The following HECW1 variants were observed in gnomAD, a reference collection of about 807,000 sequenced individuals.
HECW1 encodes E3 ubiquitin-protein ligase HECW1.
A neutral mutation model predicts 182.3 loss-of-function variants in HECW1; 61 were observed. The observed-to-expected ratio is 0.33, with a 90% confidence interval of 0.27 to 0.41. The LOEUF (loss-of-function observed/expected upper bound fraction) is 0.41, where lower values mean the gene tolerates loss of function less well. Among genes scored for constraint, HECW1 ranks in the 10% least tolerant of loss-of-function variants. The pLI is 1.00. For synonymous variants in HECW1, 859 were observed against 832.6 expected (o/e 1.03, Z -0.55); for missense variants, 1,739 against 2,108.9 (o/e 0.82, Z 3.44).
chr7:43,477,318 T>G (rs2078255470), intron 16 of HECW1, among the ~76,000 whole-genome samples: 1 of 152,192 alleles, frequency 6.6e-6, no homozygotes, highest in Non-Finnish European at 1.5e-5. Flanking sequence ...TAATTCAACT[T>G]TTAGAAATGC....
intron 3 of HECW1, among the ~76,000 whole-genome samples, chr7:43,295,363 A>G (rs1162246299): frequency 6.6e-6 from 1 of 152,204 alleles, no homozygotes; most frequent in Non-Finnish European, 1.5e-5. Flanking sequence ...AATAGGAGGC[A>G]GGTTGGCCCA....
At chr7:43,358,848 T>C (rs1815500719) in intron 5 of HECW1, among the ~76,000 whole-genome samples, 1 of 136,660 alleles carries the variant, frequency 7.3e-6, no homozygotes, top group African/African-American at 2.7e-5. Context: ...TTTTTGAGAC[T>C]GAGTCTTGCT....
intron 26 of HECW1, among the ~76,000 whole-genome samples, chr7:43,542,827 G>A (rs771870995): frequency 2.6e-5 from 4 of 152,180 alleles, no homozygotes; most frequent in South Asian, 4.1e-4. Flanking sequence ...AAATCTGCCC[G>A]TGTCCTCTTT....
chr7:43,497,608 G>T (rs145868487), intron 19 of HECW1, among the ~76,000 whole-genome samples: 20 of 152,134 alleles, frequency 1.3e-4, no homozygotes, highest in African/African-American at 4.6e-4. Context: ...ATGGAACAGG[G>T]GCTATGCAGG....
intron 3 of HECW1, chr7:43,274,312 A>G (rs1802808860): frequency 2.0e-6 from 2 of 1,010,244 alleles, no homozygotes; most frequent in South Asian, 3.4e-5. Context: ...ATCTCAGTTA[A>G]AGAAGATGAA....
intron 4 of HECW1, among the ~76,000 whole-genome samples, chr7:43,318,407 A>C (rs565835078): frequency 6.6e-6 from 1 of 152,378 alleles, no homozygotes; most frequent in Non-Finnish European, 1.5e-5. Context: ...ACTGTGAATA[A>C]AAAGACAGGC....
intron 2 of HECW1, among the ~76,000 whole-genome samples, chr7:43,218,581 T>G (rs1269934337): frequency 2.6e-5 from 4 of 152,180 alleles, no homozygotes; most frequent in African/African-American, 9.7e-5. Context: ...TCACAGTGTC[T>G]TGGAAGGCAC....
At chr7:43,181,444 A>AT (rs1489570293) in intron 2 of HECW1, among the ~76,000 whole-genome samples, 1 of 150,906 alleles carries the variant, frequency 6.6e-6, no homozygotes, top group East Asian at 1.9e-4. Flanking sequence ...GGCTGTACAA[A>AT]TTTACACTTC....
chr7:43,453,651 A>G (rs1394934313), intron 12 of HECW1, among the ~76,000 whole-genome samples: 1 of 152,260 alleles, frequency 6.6e-6, no homozygotes, highest in Admixed American at 6.5e-5. Flanking sequence ...ATAACTAAAT[A>G]TGATACATTA....
chr7:43,346,695 C>T (rs1421879111), intron 5 of HECW1, among the ~76,000 whole-genome samples: 2 of 152,168 alleles, frequency 1.3e-5, no homozygotes, highest in Non-Finnish European at 2.9e-5. Flanking sequence ...GATCCAGTTT[C>T]ATTCTCCTAC....
chr7:43,369,373 G>T (rs775080417), intron 6 of HECW1, among the ~76,000 whole-genome samples: 1 of 152,076 alleles, frequency 6.6e-6, no homozygotes, highest in Non-Finnish European at 1.5e-5. Context: ...CAAGAGAATC[G>T]CTTGAACTCG....
intron 5 of HECW1, among the ~76,000 whole-genome samples, chr7:43,332,127 G>C (rs1390528668): frequency 1.3e-5 from 2 of 152,142 alleles, no homozygotes; most frequent in African/African-American, 4.8e-5. Flanking sequence ...GAAATAATAA[G>C]AAGAAATTGG....
At chr7:43,128,593 C>T (rs1303622026) in intron 2 of HECW1, among the ~76,000 whole-genome samples, 1 of 152,156 alleles carries the variant, frequency 6.6e-6, no homozygotes, top group Admixed American at 6.5e-5. Flanking sequence ...TCATGCCTGC[C>T]AAGATAACAC....
intron 5 of HECW1, among the ~76,000 whole-genome samples, chr7:43,348,134 G>T (rs1018422754): frequency 6.6e-6 from 1 of 152,114 alleles, no homozygotes; most frequent in Non-Finnish European, 1.5e-5. Flanking sequence ...CTGTGAATCT[G>T]TCTGGTCCTG....
intron 2 of HECW1, among the ~76,000 whole-genome samples, chr7:43,228,822 G>C (rs769036): frequency 0.58 from 87,935 of 152,010 alleles, 26,264 homozygotes; most frequent in African/African-American, 0.71. Flanking sequence ...ATGAAACTAT[G>C]TTAGAATTTT....
chr7:43,121,286 G>C (rs557790741), intron 2 of HECW1, among the ~76,000 whole-genome samples: 2 of 152,276 alleles, frequency 1.3e-5, no homozygotes, highest in South Asian at 4.2e-4. Context: ...GATAAAAACT[G>C]TTCTTTGCTT....
chr7:43,189,873 T>G (rs1793740664), intron 2 of HECW1, among the ~76,000 whole-genome samples: 1 of 152,174 alleles, frequency 6.6e-6, no homozygotes, highest in African/African-American at 2.4e-5. Flanking sequence ...GTGCCTGGTA[T>G]ATAGAATACA....
intron 11 of HECW1, among the ~76,000 whole-genome samples, chr7:43,446,746 G>A (rs544614484): frequency 3.3e-5 from 5 of 152,230 alleles, no homozygotes; most frequent in East Asian, 1.9e-4. Flanking sequence ...AATGAGAAAC[G>A]CAAGGAAATT....
chr7:43,501,152 T>C (rs2079336709), intron 20 of HECW1, 61 bp from the exon 21 acceptor site: 1 of 956,468 alleles, frequency 1.0e-6, no homozygotes, highest in African/African-American at 1.7e-5. Flanking sequence ...GAACACTTTC[T>C]CAGGGATGTA....
Sources: gnomAD v4.1 joint callset for allele counts (sites outside exome capture counted in the v4.1 genomes callset) on GRCh38, gnomAD v4.1.1 for gene constraint, MANE v1.5 for transcripts, NCBI Gene and HGNC (gene_info 2026-07-23, HGNC 2026-07-21) for gene names.